CBFA2T2: variants seen among roughly 807,000 people sequenced by gnomAD.
The protein encoded by CBFA2T2 is CBFA2/RUNX1 partner transcriptional co-repressor 2, also known as protein CBFA2T2.
CBFA2T2 carries 11 observed loss-of-function variants against 62.2 expected under a neutral mutation model. That is an observed-to-expected ratio of 0.18 (90% confidence interval 0.11 to 0.29). CBFA2T2 has a LOEUF of 0.29. CBFA2T2 is among the 10% of genes least tolerant of loss of function. The pLI is 1.00. For missense variants in CBFA2T2, 592 were observed against 774.1 expected (o/e 0.76, Z 2.79); for synonymous variants, 295 against 287.5 (o/e 1.03, Z -0.27).
chr20:33,598,322 C>T (rs956726929), intron 1 of CBFA2T2, among the ~76,000 whole-genome samples: 4 of 152,102 alleles, frequency 2.6e-5, no homozygotes, highest in Non-Finnish European at 4.4e-5. Context: ...CCTGCAGTCT[C>T]GACCATAAGA....
At chr20:33,549,498 A>C (rs1163535934) in intron 1 of CBFA2T2, among the ~76,000 whole-genome samples, 1 of 152,240 alleles carries the variant, frequency 6.6e-6, no homozygotes, top group African/African-American at 2.4e-5. Context: ...AAGAAGCCAC[A>C]AAAGATGACA....
chr20:33,520,990 A>G (rs1250030299), intron 1 of CBFA2T2, among the ~76,000 whole-genome samples: 1 of 150,300 alleles, frequency 6.7e-6, no homozygotes, highest in Non-Finnish European at 1.5e-5. Flanking sequence ...ACACACACAC[A>G]CACACACACA....
intron 1 of CBFA2T2, among the ~76,000 whole-genome samples, chr20:33,520,969 A>ATC (rs1299188077): frequency 2.3e-5 from 3 of 132,418 alleles, no homozygotes; most frequent in African/African-American, 6.5e-5. Context: ...TTCACCTGCC[A>ATC]TCACACACAC....
At chr20:33,604,210 TA>T (rs1283685603) in intron 1 of CBFA2T2, among the ~76,000 whole-genome samples, 1 of 152,190 alleles carries the variant, frequency 6.6e-6, no homozygotes, top group African/African-American at 2.4e-5. Flanking sequence ...CATACCTAGT[TA>T]ATAGTATGTC....
At chr20:33,609,847 A>G (rs1687210574) in intron 2 of CBFA2T2, among the ~76,000 whole-genome samples, 1 of 152,224 alleles carries the variant, frequency 6.6e-6, no homozygotes, top group African/African-American at 2.4e-5. Context: ...GGCTCTTTAA[A>G]CATTGCTTAT....
intron 1 of CBFA2T2, among the ~76,000 whole-genome samples, chr20:33,512,929 T>C (rs2011535741): frequency 6.6e-6 from 1 of 152,038 alleles, no homozygotes; most frequent in Non-Finnish European, 1.5e-5. Flanking sequence ...ATTTTTTGTA[T>C]TTTTAGTAGA....
At chr20:33,519,944 C>T (rs1421802340) in intron 1 of CBFA2T2, among the ~76,000 whole-genome samples, 1 of 151,938 alleles carries the variant, frequency 6.6e-6, no homozygotes, top group Non-Finnish European at 1.5e-5. Flanking sequence ...GTCGGGAGTT[C>T]GAGACCAGCC....
intron 1 of CBFA2T2, among the ~76,000 whole-genome samples, chr20:33,554,600 CTTTTTTTTTTT>C (rs752877501): frequency 3.6e-5 from 2 of 56,288 alleles, no homozygotes; most frequent in African/African-American, 7.4e-5. Context: ...TTTTTCTTTT[CTTTTTTTTTTT>C]TTTTTTTTTT....
chr20:33,641,274 G>T (rs1827801748), intron 10 of CBFA2T2, among the ~76,000 whole-genome samples: 1 of 152,100 alleles, frequency 6.6e-6, no homozygotes, highest in Non-Finnish European at 1.5e-5. Context: ...CCAGCACCTA[G>T]GCTTTTTACA....
chr20:33,511,560 G>A (rs1371720250), intron 1 of CBFA2T2, among the ~76,000 whole-genome samples: 1 of 152,076 alleles, frequency 6.6e-6, no homozygotes, highest in Non-Finnish European at 1.5e-5. Flanking sequence ...TTTATGTAAA[G>A]AGAAAAGTAA....
chr20:33,510,805 C>T (rs1027245929), intron 1 of CBFA2T2, among the ~76,000 whole-genome samples: 1 of 152,160 alleles, frequency 6.6e-6, no homozygotes, highest in African/African-American at 2.4e-5. Flanking sequence ...CTGTTGTTTA[C>T]TGACCTTTTA....
At chr20:33,617,072 T>G (rs2015736750) in intron 3 of CBFA2T2, among the ~76,000 whole-genome samples, 2 of 152,042 alleles carry the variant, frequency 1.3e-5, no homozygotes, top group South Asian at 4.2e-4. Context: ...AAAAAAAAAT[T>G]TAAATTAGCT....
rs869240464 is a variant in CBFA2T2, at chr20:33,642,116, T to TTGTGTGTG, written c.1488+1626_1488+1633dup. On this transcript the variant is annotated intron_variant, in intron 10 of 10. Coordinates refer to ENST00000342704, the MANE Select transcript of CBFA2T2 (RefSeq NM_001032999.3). ...TCCTCCTCCTTTGTCTTTTTTTTTT[T>TTGTGTGTG]TGTGTGTGTGTGTGTGTGTGTGTGT... Among the ~76,000 whole-genome samples the TTGTGTGTG allele has an allele frequency of 2.3e-3, 136 of 59,036 alleles. 1 individual carries two copies. The highest frequency in any genetic ancestry group is 0.011 in the Middle Eastern group (1 of 90). 38.7% of individuals were successfully genotyped at this position (59,036 alleles called of 152,430 possible).
intron 3 of CBFA2T2, among the ~76,000 whole-genome samples, chr20:33,619,308 A>C (rs1249795808): frequency 6.6e-6 from 1 of 152,122 alleles, no homozygotes; most frequent in Non-Finnish European, 1.5e-5. Flanking sequence ...TCACAAAGTC[A>C]GGAGTTCACC....
intron 2 of CBFA2T2, among the ~76,000 whole-genome samples, chr20:33,610,249 A>G (rs2015475403): frequency 6.6e-6 from 1 of 152,228 alleles, no homozygotes; most frequent in South Asian, 2.1e-4. Flanking sequence ...TCAAGGCTGC[A>G]ATGGGCCAAG....
intron 1 of CBFA2T2, among the ~76,000 whole-genome samples, chr20:33,502,298 C>T (rs1454733560): frequency 1.3e-5 from 2 of 152,192 alleles, no homozygotes; most frequent in Non-Finnish European, 2.9e-5. Context: ...GGGAGATCCC[C>T]TTCAAGCTGG....
chr20:33,609,076 C>T (rs2015433923), intron 2 of CBFA2T2, among the ~76,000 whole-genome samples: 1 of 152,176 alleles, frequency 6.6e-6, no homozygotes, highest in Admixed American at 6.5e-5. Context: ...TTCCTAAACA[C>T]CCTTTGCTGA....
At chr20:33,616,146 A>G (rs1001486722) in intron 3 of CBFA2T2, among the ~76,000 whole-genome samples, 2 of 151,260 alleles carry the variant, frequency 1.3e-5, no homozygotes, top group African/African-American at 2.4e-5. Flanking sequence ...ACAGAGCAAT[A>G]CTCTGTAGAT....
At chr20:33,565,539 A>G (rs1170083703) in intron 1 of CBFA2T2, among the ~76,000 whole-genome samples, 1 of 152,206 alleles carries the variant, frequency 6.6e-6, no homozygotes. Flanking sequence ...AGGAAACATA[A>G]TAAATAAGAA....
Sources: allele counts gnomAD v4.1 joint callset (sites outside exome capture counted in the v4.1 genomes callset), GRCh38; gene constraint gnomAD v4.1.1; transcripts MANE v1.5; gene names NCBI Gene and HGNC (gene_info 2026-07-23, HGNC 2026-07-21).